PRSS12: variants seen among roughly 807,000 people sequenced by gnomAD.
PRSS12 encodes the protein serine protease 12.
Under a neutral mutation model 104.4 loss-of-function variants are expected in PRSS12, and 85 were observed. The ratio of observed to expected loss-of-function variants is 0.81; its 90% CI spans 0.68 to 0.98. The LOEUF (loss-of-function observed/expected upper bound fraction) is 0.98. Ranked by LOEUF, PRSS12 falls within the 50% of genes least tolerant of loss-of-function variation. The probability of loss-of-function intolerance (pLI) is 0.00; values close to 1 mark genes in which losing one functional copy is unlikely to be tolerated. For missense variants in PRSS12, 1,141 were observed against 1,139.2 expected (o/e 1.00, Z -0.02); for synonymous variants, 454 against 425.2 (o/e 1.07, Z -0.83).
intron 8 of PRSS12, among the ~76,000 whole-genome samples, chr4:118,306,272 T>G (rs1743549669): frequency 6.6e-6 from 1 of 152,222 alleles, no homozygotes; most frequent in Non-Finnish European, 1.5e-5. Flanking sequence ...CATTCTAACA[T>G]GAGGCTAAAT....
rs566698662 is a variant in PRSS12 at position 118,323,978 on chromosome 4, C to A, written c.972-5422G>T. On this transcript the variant is annotated intron_variant, in intron 4 of 12. Coordinates refer to ENST00000296498, the MANE Select transcript of PRSS12 (RefSeq NM_003619.4). ...CCAGTGGGACAATCTTGGGTCACTG[C>A]AAACTCTGCCTCCCAGGCTCAAGCC... Among the ~76,000 whole-genome samples the A allele has an allele frequency of 7.9e-5, 12 of 152,078 alleles. No individual in the cohort carries two copies. In the South Asian group the frequency reaches 2.5e-3, roughly 32 times the overall value.
At chr4:118,319,857 G>A (rs1002695683) in intron 4 of PRSS12, among the ~76,000 whole-genome samples, 1 of 151,854 alleles carries the variant, frequency 6.6e-6, no homozygotes, top group Non-Finnish European at 1.5e-5. Context: ...TTTATTTTTT[G>A]TAGAGATGGA....
Position 118,352,423 on chromosome 4 carries a change from C to CCCAT in PRSS12, c.294_297dup (p.Val100MetfsTer80). 1 of 1,513,158 alleles carries CCCAT rather than the reference C, an allele frequency of 6.6e-7. No individual in the cohort carries two copies. The highest frequency in any genetic ancestry group is 2.1e-5 in the Admixed American group (1 of 47,234). The allele number at this position is 1,513,158 out of a possible 1,614,324, so 93.7% of individuals were successfully genotyped here. A position where few individuals can be genotyped will look rare whatever the true frequency, so the allele number is the denominator to read the frequency against. ...GGGGCGCCGAAGTCCGTCACGCTGA[C>CCCAT]CCATGGCTCGCCGGCGGGGCAGCCC... On this transcript the variant is annotated frameshift_variant, in exon 1 of 13. Coordinates refer to ENST00000296498, the MANE Select transcript of PRSS12 (RefSeq NM_003619.4). LOFTEE classifies it high-confidence loss of function.
intron 7 of PRSS12, among the ~76,000 whole-genome samples, chr4:118,310,041 C>T (rs1743666493): frequency 1.3e-5 from 2 of 152,120 alleles, no homozygotes; most frequent in Non-Finnish European, 2.9e-5. Flanking sequence ...GGCGTGCCAA[C>T]TCTATGTATG....
chr4:118,311,013 T>C (rs1743697729), intron 7 of PRSS12, among the ~76,000 whole-genome samples: 2 of 152,132 alleles, frequency 1.3e-5, no homozygotes. Context: ...ATTGCGCCAC[T>C]GCACTCCAGC....
At chr4:118,311,598 G>A (rs1256927145) in intron 7 of PRSS12, among the ~76,000 whole-genome samples, 2 of 152,006 alleles carry the variant, frequency 1.3e-5, no homozygotes, top group Non-Finnish European at 2.9e-5. Context: ...ATCCCAAAAG[G>A]ATATTTGGCT....
intron 4 of PRSS12, among the ~76,000 whole-genome samples, chr4:118,328,591 A>AC (rs113819232): frequency 1.8e-3 from 217 of 120,272 alleles, no homozygotes; most frequent in African/African-American, 5.3e-3. Context: ...AACAACAACA[A>AC]AAAAAAAAAG....
At chr4:118,326,525 G>A (rs1723775511) in intron 4 of PRSS12, among the ~76,000 whole-genome samples, 1 of 152,166 alleles carries the variant, frequency 6.6e-6, no homozygotes, top group Admixed American at 6.5e-5. Flanking sequence ...GAGCATTCTT[G>A]CAGCCTCCTG....
At chr4:118,330,616 T>G (rs138333547) in intron 4 of PRSS12, among the ~76,000 whole-genome samples, 1 of 152,282 alleles carries the variant, frequency 6.6e-6, no homozygotes, top group East Asian at 1.9e-4. Flanking sequence ...AGACAAGCCA[T>G]CTGCCAAGGA....
At position 118,308,314 on chromosome 4, in the gene PRSS12, G is replaced by A. The variant is rs1267307641; in HGVS notation, c.1631+122C>T. 5 of 1,310,130 alleles carry A rather than the reference G, an allele frequency of 3.8e-6. No individual in the cohort carries two copies. In the African/African-American group the frequency reaches 5.8e-5, roughly 15 times the overall value. 81.2% of individuals were successfully genotyped at this position (1,310,130 alleles called of 1,614,324 possible). ...TAATTCTGGATCAAATCAATATGCT[G>A]CCAGTATTTTCAAATGAATGACAGA... On this transcript the variant is annotated intron_variant, in intron 8 of 12. Transcript: ENST00000296498.
intron 1 of PRSS12, among the ~76,000 whole-genome samples, chr4:118,341,286 T>C (rs756805166): frequency 6.6e-6 from 1 of 152,228 alleles, no homozygotes; most frequent in Non-Finnish European, 1.5e-5. Context: ...CCCAACACTA[T>C]ATACATTTAA....
intron 2 of PRSS12, 104 bp from the exon 3 acceptor site, chr4:118,335,755 A>G: frequency 3.8e-6 from 4 of 1,055,598 alleles, no homozygotes; most frequent in Non-Finnish European, 5.9e-6. Flanking sequence ...AAAGATGAAT[A>G]TGGAAGAAAC....
intron 11 of PRSS12, among the ~76,000 whole-genome samples, chr4:118,290,994 T>A (rs1490422109): frequency 6.6e-6 from 1 of 152,132 alleles, no homozygotes; most frequent in Non-Finnish European, 1.5e-5. Context: ...GAAAAAGGCA[T>A]GTAAGTACAA....
At chr4:118,343,205 A>G (rs969914585) in intron 1 of PRSS12, among the ~76,000 whole-genome samples, 5 of 152,008 alleles carry the variant, frequency 3.3e-5, no homozygotes, top group African/African-American at 1.2e-4. Flanking sequence ...CCTAGACAAC[A>G]GAGTGAGACA....
At chr4:118,293,352 CAAAT>C (rs886722432) in intron 11 of PRSS12, among the ~76,000 whole-genome samples, 10 of 151,906 alleles carry the variant, frequency 6.6e-5, no homozygotes, top group African/African-American at 2.4e-4. Flanking sequence ...TTTAGGAAAA[CAAAT>C]AAGAGAATAT....
rs1307099168 is a variant in PRSS12 at position 118,352,520 on chromosome 4, G to T, written c.201C>A (p.Arg67=). The change falls in exon 1 of 13, where the codon CGC becomes CGA. Residue 67 remains arginine, a synonymous_variant. Transcript: ENST00000296498. The stretch of plus-strand genomic sequence containing the variant: ...GCTGGGCAGGGAGCGCCCGCGGGGG[G>T]CGCGGGAAGCGCGGGAGAGGCGGCG... The part of the protein sequence containing the change: ...RPPPPLPRFP[R]PPRALPAQRP... 2 of 1,463,050 alleles carry T rather than the reference G, an allele frequency of 1.4e-6. No homozygotes were observed. The highest frequency in any genetic ancestry group is 2.4e-5 in the Admixed American group (1 of 42,434). The allele number at this position is 1,463,050 out of a possible 1,614,324, so 90.6% of individuals were successfully genotyped here. A position where few individuals can be genotyped will look rare whatever the true frequency, so the allele number is the denominator to read the frequency against.
intron 5 of PRSS12, among the ~76,000 whole-genome samples, chr4:118,317,914 A>G (rs1281402117): frequency 6.6e-6 from 1 of 152,220 alleles, no homozygotes; most frequent in Non-Finnish European, 1.5e-5. Context: ...TTTGACAGGC[A>G]TGCTGTCATT....
chr4:118,318,688 T>C, intron 4 of PRSS12, 132 bp from the exon 5 acceptor site: 1 of 903,408 alleles, frequency 1.1e-6, no homozygotes, highest in Admixed American at 2.3e-5. Flanking sequence ...CATGCATGAC[T>C]TTCTGTATTT....
intron 8 of PRSS12, among the ~76,000 whole-genome samples, chr4:118,299,556 T>C (rs1159658043): frequency 6.6e-6 from 1 of 151,712 alleles, no homozygotes; most frequent in African/African-American, 2.4e-5. Flanking sequence ...GGCACGTGCT[T>C]GTAATCCCAG....
Sources: gnomAD v4.1 joint callset for allele counts (sites outside exome capture counted in the v4.1 genomes callset) on GRCh38, gnomAD v4.1.1 for gene constraint, MANE v1.5 for transcripts, NCBI Gene and HGNC (gene_info 2026-07-23, HGNC 2026-07-21) for gene names.